Variants in DEAF1 observed in about 807,000 individuals in gnomAD.
DEAF1 encodes DEAF1 transcription factor.
Under a neutral mutation model 58.9 loss-of-function variants are expected in DEAF1, and 53 were observed. The observed-to-expected ratio is 0.90, with a 90% CI of 0.72 to 1.13. DEAF1 has a LOEUF of 1.13. Ranked by LOEUF, DEAF1 falls within the 50% of genes most tolerant of loss-of-function variation. The probability of loss-of-function intolerance (pLI) is 0.00; values close to 1 mark genes in which losing one functional copy is unlikely to be tolerated. For synonymous variants in DEAF1, 385 were observed against 340.4 expected (o/e 1.13, Z -1.44); for missense variants, 685 against 791.4 (o/e 0.87, Z 1.61).
chr11:644,652 G>C lies in DEAF1; in HGVS notation c.1596C>G (p.Asp532Glu), dbSNP rs767702509. Residue 532 changes from aspartate to glutamate, a missense_variant and splice_region_variant, in exon 12 of 12, where the codon GAC becomes GAG. Physicochemically the swap from Asp to Glu is conservative, Grantham distance 45 (BLOSUM62 2). Coordinates refer to ENST00000382409, the MANE Select transcript of DEAF1 (RefSeq NM_021008.4). This position sits in a 1 kb window ranked among gnomAD's most constrained non-coding sequence, Gnocchi z 4.3. Reference protein sequence around the residue: ...NYCSTFCQRKDWKDHQHICGQ... With the variant: ...NYCSTFCQRKEWKDHQHICGQ... ...CGCATATGTGCTGGTGATCCTTCCA[G>C]TCCTGGAAGGGAGGACACACCCATG... 4 of 1,608,140 alleles carry C rather than the reference G, an allele frequency of 2.5e-6. No individual in the cohort carries two copies. Among genetic ancestry groups the C allele is most frequent in the Admixed American group, 1.7e-5 (1 of 59,542 alleles).
At chr11:676,407 T>A (rs1860082863) in intron 9 of DEAF1, among the ~76,000 whole-genome samples, 1 of 146,380 alleles carries the variant, frequency 6.8e-6, no homozygotes, top group Admixed American at 7.0e-5. Context: ...CAGGAGGATG[T>A]CCCATCCCTT....
At chr11:669,937 A>T (rs1013091454) in intron 10 of DEAF1, among the ~76,000 whole-genome samples, 1 of 151,054 alleles carries the variant, frequency 6.6e-6, no homozygotes, top group African/African-American at 2.4e-5. Flanking sequence ...CAAAAAAAAA[A>T]AAAAAAAAAA....
chr11:703,317 A>G, intron 1 of DEAF1: 1 of 1,415,356 alleles, frequency 7.1e-7, no homozygotes, highest in Non-Finnish European at 9.2e-7. Flanking sequence ...AGCAGGAGCC[A>G]GGGCAGAACA....
upstream of DEAF1, among the ~76,000 whole-genome samples, chr11:696,617 C>T (rs563300158): frequency 3.3e-5 from 5 of 152,162 alleles, no homozygotes; most frequent in Admixed American, 6.5e-5. Context: ...AAACTGTAAA[C>T]ATCAGCCAGG....
chr11:651,961 G>A (rs1306749362), intron 11 of DEAF1, among the ~76,000 whole-genome samples: 1 of 152,194 alleles, frequency 6.6e-6, no homozygotes, highest in Non-Finnish European at 1.5e-5. Context: ...ATAAGGGGTA[G>A]AACAAATAGA....
At chr11:656,880 A>T (rs1424378799) in intron 10 of DEAF1, among the ~76,000 whole-genome samples, 16 of 149,880 alleles carry the variant, frequency 1.1e-4, no homozygotes, top group East Asian at 2.0e-4. Flanking sequence ...TTTTTTTTTT[A>T]AACTGAAAAA....
chr11:702,985 C>T (rs775423041), intron 1 of DEAF1: 26 of 1,610,782 alleles, frequency 1.6e-5, no homozygotes, highest in African/African-American at 2.7e-5. Flanking sequence ...GGCCGCTGGC[C>T]GCCAGCCTGG....
chr11:676,110 G>A (rs1275709768), intron 9 of DEAF1, among the ~76,000 whole-genome samples: 1 of 28,026 alleles, frequency 3.6e-5, no homozygotes, highest in Non-Finnish European at 6.0e-5. Context: ...ACACCCCCCA[G>A]CATCTGACAT....
chr11:651,399 A>T (rs970048837), intron 11 of DEAF1: 19 of 310,712 alleles, frequency 6.1e-5, no homozygotes, highest in African/African-American at 4.5e-4. Context: ...ACATAGTAAG[A>T]CTCCATCTCT....
At chr11:652,586 C>G (rs1213812950) in intron 11 of DEAF1, among the ~76,000 whole-genome samples, 1 of 151,262 alleles carries the variant, frequency 6.6e-6, no homozygotes, top group African/African-American at 2.4e-5. Flanking sequence ...TGCAGTGAGC[C>G]GAGATCTTGC....
Position 678,740 on chromosome 11 carries a change from G to T in DEAF1, c.1209C>A (p.Ile403=). 2 of 1,614,198 alleles carry T rather than the reference G, an allele frequency of 1.2e-6. No individual in the cohort carries two copies. Among genetic ancestry groups the T allele is most frequent in the South Asian group, 1.1e-5 (1 of 91,078 alleles). The change falls in exon 9 of 12, where the codon ATC becomes ATA. Residue 403 remains isoleucine, a synonymous_variant. Coordinates refer to ENST00000382409, the MANE Select transcript of DEAF1 (RefSeq NM_021008.4). Reference sequence around the variant, plus strand: ...GCAACGCAGCTTCTGGAAACGGTGCGATCTGGCAGCTGTCCTGATAGCCGG... The same window carrying T: ...GCAACGCAGCTTCTGGAAACGGTGCTATCTGGCAGCTGTCCTGATAGCCGG... The part of the protein sequence containing the change: ...HYPGYQDSCQ[I]APFPEAALPT...
chr11:678,379 T>C, intron 9 of DEAF1: 1 of 376,010 alleles, frequency 2.7e-6, no homozygotes. Context: ...GGGGAGTGTC[T>C]ACCCTCAAGA....
intron 10 of DEAF1, among the ~76,000 whole-genome samples, chr11:673,825 C>T (rs1331693480): frequency 2.0e-5 from 3 of 152,166 alleles, no homozygotes; most frequent in Admixed American, 1.3e-4. Flanking sequence ...AACCTCCACC[C>T]TCTCTCCAGT....
At chr11:650,234 T>C (rs1472865109) in intron 11 of DEAF1, among the ~76,000 whole-genome samples, 1 of 149,216 alleles carries the variant, frequency 6.7e-6, no homozygotes, top group Non-Finnish European at 1.5e-5. Context: ...ATTAGCTGAG[T>C]GTGGTGGCAG....
rs144498322 is a variant in DEAF1, at chr11:684,943, G to A, written c.825C>T (p.His275=). ...AGGCAGCACAGGTGCAAGAGGCAGC[G>A]TGAGGGTTTAAGATCCCATCCTGAG... is the stretch of plus-strand genomic sequence containing the variant. The part of the protein sequence containing the change: ...CLIQDGILNP[H]AASCTCAACC... Residue 275 remains histidine, a synonymous_variant, in exon 6 of 12, where the codon CAC becomes CAT. Transcript: ENST00000382409. 1,099 of 1,551,606 alleles carry A rather than the reference G, an allele frequency of 7.1e-4. 4 individuals are homozygous for A. The African/African-American group carries it at 9.6e-3, about 14-fold the overall frequency.
In DEAF1 at chr11:644,720, C is replaced by T; in HGVS notation, c.1594-66G>A. On this transcript the variant is annotated intron_variant, in intron 11 of 11. Coordinates refer to ENST00000382409, the MANE Select transcript of DEAF1 (RefSeq NM_021008.4). The surrounding 1 kb of genome is among the most constrained non-coding windows in gnomAD (Gnocchi z 4.3). ...TGGAGCAGGGTCTGGGCAGGGTCCC[C>T]AAGGCAGACCCCAGAGGGTGCAGCC... The T allele has an allele frequency of 7.7e-7, 1 of 1,290,552 alleles. No homozygotes were observed. The highest frequency in any genetic ancestry group is 1.3e-5 in the South Asian group (1 of 79,814). The allele number at this position is 1,290,552 out of a possible 1,614,324, so 79.9% of individuals were successfully genotyped here. A position where few individuals can be genotyped will look rare whatever the true frequency, so the allele number is the denominator to read the frequency against.
chr11:702,977 C>T, intron 1 of DEAF1: 1 of 1,610,230 alleles, frequency 6.2e-7, no homozygotes, highest in Non-Finnish European at 8.5e-7. Context: ...GGCTGAGAGG[C>T]CGCTGGCCGC....
At chr11:704,424 CCTGT>C (rs1244120011) in intron 1 of DEAF1, 2 of 1,285,856 alleles carry the variant, frequency 1.6e-6, no homozygotes, top group African/African-American at 3.0e-5. Flanking sequence ...CTTCCTTTGA[CCTGT>C]CTGTGGCCCC....
At chr11:681,178 G>C (rs1860347127) in intron 6 of DEAF1, 89 bp from the exon 7 acceptor site, 3 of 1,573,148 alleles carry the variant, frequency 1.9e-6, no homozygotes, top group African/African-American at 1.3e-5. Flanking sequence ...GGCACCGCGG[G>C]GTGTGTGAGT....
Sources: allele counts gnomAD v4.1 joint callset (sites outside exome capture counted in the v4.1 genomes callset), GRCh38; gene constraint gnomAD v4.1.1; non-coding constraint Gnocchi (gnomAD v3.1); transcripts MANE v1.5; gene names NCBI Gene and HGNC (gene_info 2026-07-23, HGNC 2026-07-21).